DAO: variants seen among roughly 807,000 people sequenced by gnomAD.
DAO encodes D-amino-acid oxidase.
Under a neutral mutation model 50.1 loss-of-function variants are expected in DAO, and 51 were observed. The observed-to-expected ratio is 1.02, with a 90% confidence interval of 0.81 to 1.29. The LOEUF (loss-of-function observed/expected upper bound fraction) is 1.29, where lower values mean the gene tolerates loss of function less well. Among genes scored for constraint, DAO ranks in the 50% most tolerant of loss-of-function variants. DAO has a pLI of 0.00. For synonymous variants in DAO, 160 were observed against 166.2 expected, an observed-to-expected ratio of 0.96 and a Z score of 0.29; for missense variants, 436 against 439.4, an observed-to-expected ratio of 0.99 and a Z score of 0.07.
At chr12:108,896,419 C>CAAAAAAAAAAAAAAAAAAAAA (rs386377704) in intron 7 of DAO, among the ~76,000 whole-genome samples, 9 of 59,542 alleles carry the variant, frequency 1.5e-4, no homozygotes, top group African/African-American at 3.8e-4. Flanking sequence ...GAGGCTGTCT[C>CAAAAAAAAAAAAAAAAAAAAA]AAAAAAAAAA....
intron 7 of DAO, 59 bp downstream of exon 7, chr12:108,894,426 A>C (rs75607844): frequency 0.016 from 20,304 of 1,284,842 alleles, 205 homozygotes; most frequent in Non-Finnish European, 0.019. Flanking sequence ...CTGCATGCTT[A>C]TTTCATCCCT....
chr12:108,897,106 T>C lies in DAO; in HGVS notation c.695+18T>C. ...ATCCCAGGGTAAAATTGGACTGTTC[T>C]CGGGCAGAAGAGTGGTCCCCTTCAT... On this transcript the variant is annotated intron_variant, in intron 8 of 10. Transcript: ENST00000228476. 2 of 1,593,366 alleles carry C rather than the reference T, an allele frequency of 1.3e-6. No homozygotes were observed. Among genetic ancestry groups the C allele is most frequent in the Non-Finnish European group, 1.7e-6 (2 of 1,161,344 alleles).
rs563576011 is a variant in DAO, at chr12:108,884,493, T to C, written c.-9-505T>C. On this transcript the variant is annotated intron_variant, in intron 1 of 10. Transcript: ENST00000228476. ...TCCACAAATGTCAGTATATTACTTC[T>C]TTTGCATCAGGCAGCTTGTTAAATT... Among the ~76,000 whole-genome samples, 5 of 152,356 alleles carry C rather than the reference T, an allele frequency of 3.3e-5. No individual in the cohort carries two copies. The South Asian group carries it at 1.0e-3, about 32-fold the overall frequency.
At chr12:108,900,371 G>T in intron 10 of DAO, 33 bp from the exon 11 acceptor site, 1 of 1,612,578 alleles carries the variant, frequency 6.2e-7, no homozygotes, top group Middle Eastern at 1.7e-4. Flanking sequence ...TGTCCCTCTC[G>T]GACCTGGCCA....
rs201929599 is a variant in DAO, at chr12:108,881,489, A to G, written c.-10+1265A>G. Among the ~76,000 whole-genome samples, 409 of 150,064 alleles carry G rather than the reference A, an allele frequency of 2.7e-3. 14 individuals carry two copies. In the East Asian group the frequency reaches 0.073, roughly 27 times the overall value. On this transcript the variant is annotated intron_variant, in intron 1 of 10. Transcript: ENST00000228476. ...TGTATTTTAAAACACACACACACACACACACACACACACACACACACGTTG... is the reference window on the plus strand; with the variant it reads ...TGTATTTTAAAACACACACACACACGCACACACACACACACACACACGTTG...
chr12:108,881,139 C>G (rs920391742), intron 1 of DAO, among the ~76,000 whole-genome samples: 6 of 145,190 alleles, frequency 4.1e-5, no homozygotes, highest in African/African-American at 1.6e-4. Flanking sequence ...CCTTCCTGCT[C>G]CACACTTACA....
At chr12:108,882,858 G>T (rs570238298) in intron 1 of DAO, among the ~76,000 whole-genome samples, 1 of 152,110 alleles carries the variant, frequency 6.6e-6, no homozygotes, top group Non-Finnish European at 1.5e-5. Flanking sequence ...ATATAAAAAT[G>T]GTCAAGCGGG....
chr12:108,884,067 G>A (rs2039408457), intron 1 of DAO, among the ~76,000 whole-genome samples: 1 of 152,248 alleles, frequency 6.6e-6, no homozygotes, highest in Non-Finnish European at 1.5e-5. Flanking sequence ...GGCTTAAGTA[G>A]CTTCAAGGTT....
intron 4 of DAO, among the ~76,000 whole-genome samples, chr12:108,889,948 C>G (rs950116345): frequency 6.6e-6 from 1 of 152,152 alleles, no homozygotes; most frequent in Non-Finnish European, 1.5e-5. Flanking sequence ...TCACCCCACC[C>G]CACACCACAC....
intron 1 of DAO, among the ~76,000 whole-genome samples, chr12:108,881,242 C>T (rs757180339): frequency 6.2e-5 from 9 of 144,544 alleles, no homozygotes; most frequent in Non-Finnish European, 1.2e-4. Context: ...GATACATACT[C>T]CAAGCTTGCT....
chr12:108,896,923 A>G (rs1167935343), intron 7 of DAO, 83 bp from the exon 8 acceptor site: 3 of 1,020,330 alleles, frequency 2.9e-6, no homozygotes, highest in Middle Eastern at 2.0e-4. Flanking sequence ...CACTCTTGTC[A>G]GGACATCTGG....
chr12:108,881,339 T>C (rs930437415), intron 1 of DAO, among the ~76,000 whole-genome samples: 1 of 152,054 alleles, frequency 6.6e-6, no homozygotes, highest in South Asian at 2.1e-4. Context: ...ACCGAATAAC[T>C]GAGCTGGGTG....
chr12:108,892,886 C>A, intron 5 of DAO, 96 bp from the exon 6 acceptor site: 1 of 1,090,602 alleles, frequency 9.2e-7, no homozygotes, highest in Non-Finnish European at 1.4e-6. Flanking sequence ...CTAACGTCCG[C>A]AGAAGGTTGT....
intron 5 of DAO, among the ~76,000 whole-genome samples, chr12:108,892,538 GCCCACCT>G (rs2039503003): frequency 6.6e-6 from 1 of 152,128 alleles, no homozygotes; most frequent in South Asian, 2.1e-4. Context: ...GATGTCCTCA[GCCCACCT>G]CCCTCCTCAT....
At chr12:108,881,195 C>T (rs1379586754) in intron 1 of DAO, among the ~76,000 whole-genome samples, 1 of 148,812 alleles carries the variant, frequency 6.7e-6, no homozygotes, top group Non-Finnish European at 1.5e-5. Flanking sequence ...CACACACACA[C>T]ACAAATATAA....
chr12:108,890,140 T>C, intron 4 of DAO, 68 bp from the exon 5 acceptor site: 9 of 1,361,558 alleles, frequency 6.6e-6, no homozygotes, highest in Non-Finnish European at 9.5e-6. Context: ...CCCACCTCCA[T>C]TTCACAGCCT....
At chr12:108,885,254 G>C in intron 2 of DAO, 54 bp downstream of exon 2, 1 of 1,553,738 alleles carries the variant, frequency 6.4e-7, no homozygotes, top group Non-Finnish European at 8.8e-7. Flanking sequence ...TAAGTCTGCA[G>C]AGGGAGTCAG....
rs775708778 is a variant in DAO, at chr12:108,893,013, C to A, written c.484C>A (p.Arg162=). The A allele has an allele frequency of 4.3e-6, 7 of 1,613,792 alleles. No homozygotes were observed. The African/African-American group carries it at 5.3e-5, about 12-fold the overall frequency. ...TGAGAGGGGAGTGAAGTTCTTCCAGCGGAAAGTGGAGTCTTTTGAGGAGGT... is the reference window on the plus strand; with the variant it reads ...TGAGAGGGGAGTGAAGTTCTTCCAGAGGAAAGTGGAGTCTTTTGAGGAGGT... ...LTERGVKFFQ[R]KVESFEEVAR... is the part of the protein sequence containing the mutation. The change falls in exon 6 of 11, where the codon CGG becomes AGG. Residue 162 remains arginine, a synonymous_variant. Coordinates refer to ENST00000228476, the MANE Select transcript of DAO (RefSeq NM_001917.5).
chr12:108,880,173 C>G lies in DAO; in HGVS notation c.-61C>G. 1 of 456,172 alleles carries G rather than the reference C, an allele frequency of 2.2e-6. No homozygotes were observed. The highest frequency in any genetic ancestry group is 4.4e-6 in the Non-Finnish European group (1 of 226,722). The allele number at this position is 456,172 out of a possible 1,614,324, so 28.3% of individuals were successfully genotyped here. ...GAGCTTCCCCTCAGGAAATAGCATC[C>G]TGTGTCCCCGCACTGCAGTTGTCTG... On this transcript the variant is annotated 5_prime_UTR_variant, in exon 1 of 11. Coordinates refer to ENST00000228476, the MANE Select transcript of DAO (RefSeq NM_001917.5).
Sources: allele counts gnomAD v4.1 joint callset (sites outside exome capture counted in the v4.1 genomes callset), GRCh38; gene constraint gnomAD v4.1.1; transcripts MANE v1.5; gene names NCBI Gene and HGNC (gene_info 2026-07-23, HGNC 2026-07-21).